Variants in SLC24A5 observed in about 807,000 individuals in gnomAD.
The protein encoded by SLC24A5 is sodium/potassium/calcium exchanger 5.
Under a neutral mutation model 51.6 loss-of-function variants are expected in SLC24A5, and 46 were observed. The ratio of observed to expected loss-of-function variants is 0.89; its 90% CI spans 0.70 to 1.14. The LOEUF is 1.14. Ranked by LOEUF, SLC24A5 falls within the 50% of genes most tolerant of loss-of-function variation. SLC24A5 has a pLI of 0.00. For synonymous variants in SLC24A5, 230 were observed against 214.9 expected, an observed-to-expected ratio of 1.07 and a Z score of -0.62; for missense variants, 581 against 604.1, an observed-to-expected ratio of 0.96 and a Z score of 0.40.
chr15:48,139,928 T>A (rs1249628593), intron 7 of SLC24A5: 2 of 152,096 alleles, frequency 1.3e-5, no homozygotes, highest in African/African-American at 4.8e-5. Flanking sequence ...TCACACTACA[T>A]TGGCAAAGCT....
rs762176351 is a variant in SLC24A5 at position 48,121,963 on chromosome 15, C to T, written c.228C>T (p.Ile76=). 5.6e-6 allele frequency: 9 copies of T among 1,613,986 alleles called. No individual in the cohort carries two copies. The highest frequency in any genetic ancestry group is 7.6e-6 in the Non-Finnish European group (9 of 1,179,968). ...DGGIIIYFLI[I]VYMFMAISIV... is the part of the protein sequence containing the mutation. ...GCATCATAATCTATTTCCTAATTAT[C>T]GTTTACATGTTCATGGCCATATCTA... Residue 76 remains isoleucine, a synonymous_variant, in exon 2 of 9, where the codon ATC becomes ATT. Transcript: ENST00000341459.
At chr15:48,121,792 C>A in intron 1 of SLC24A5, 65 bp from the exon 2 acceptor site, 1 of 1,504,678 alleles carries the variant, frequency 6.6e-7, no homozygotes, top group South Asian at 1.2e-5. Flanking sequence ...CTTAAGGAAG[C>A]TCTCTGTGGG....
At chr15:48,140,329 T>G (rs928901596) in intron 7 of SLC24A5, 1 of 151,796 alleles carries the variant, frequency 6.6e-6, no homozygotes, top group African/African-American at 2.4e-5. Context: ...TGTATAAGCA[T>G]GCAATAAATA....
intron 1 of SLC24A5, 46 bp downstream of exon 1, chr15:48,121,211 C>CAG: frequency 6.4e-7 from 1 of 1,554,860 alleles, no homozygotes; most frequent in South Asian, 1.2e-5. Context: ...GCAGCTGCTG[C>CAG]TGCTGCTACC....
chr15:48,121,014 AGCTGCAC>A lies in SLC24A5; in HGVS notation c.-24_-18del, dbSNP rs1187369849. On this transcript the variant is annotated 5_prime_UTR_variant, in exon 1 of 9. Coordinates refer to ENST00000341459, the MANE Select transcript of SLC24A5 (RefSeq NM_205850.3). ...TAATCCTCCTCTTCTCCCTTCCTGA[AGCTGCAC>A]GCTGCAGTAAGAGCACAGCAGAAAT... 6 of 1,607,342 alleles carry A rather than the reference AGCTGCAC, an allele frequency of 3.7e-6. No individual in the cohort carries two copies. In the Admixed American group the frequency reaches 6.7e-5, roughly 18 times the overall value.
At chr15:48,122,501 C>T in intron 2 of SLC24A5, 1 of 183,184 alleles carries the variant, frequency 5.5e-6, no homozygotes, top group Non-Finnish European at 1.1e-5. Flanking sequence ...TCTTCCTTTC[C>T]CAGCATCCTA....
chr15:48,132,438 G>A (rs2038799696), intron 2 of SLC24A5, among the ~76,000 whole-genome samples: 1 of 151,988 alleles, frequency 6.6e-6, no homozygotes, highest in Admixed American at 6.6e-5. Flanking sequence ...GTGAGAGCAG[G>A]AATATTTGTC....
chr15:48,142,373 G>T lies in SLC24A5; in HGVS notation c.*22G>T, dbSNP rs759941120. On this transcript the variant is annotated 3_prime_UTR_variant, in exon 9 of 9. Coordinates refer to ENST00000341459, the MANE Select transcript of SLC24A5 (RefSeq NM_205850.3). ...TTGATATTATTAATAGTGTTATGCAGAAAATATGAATGGCAGGGAGGGGCA... is the reference window on the plus strand; with the variant it reads ...TTGATATTATTAATAGTGTTATGCATAAAATATGAATGGCAGGGAGGGGCA... The T allele has an allele frequency of 2.1e-6, 3 of 1,444,858 alleles. No individual in the cohort carries two copies. Among genetic ancestry groups the T allele is most frequent in the South Asian group, 1.4e-5 (1 of 69,018 alleles). 89.5% of individuals were successfully genotyped at this position (1,444,858 alleles called of 1,614,324 possible). A position where few individuals can be genotyped will look rare whatever the true frequency, so the allele number is the denominator to read the frequency against.
In SLC24A5 at chr15:48,142,453, G is replaced by A. The variant is rs1049097667; in HGVS notation, c.*102G>A. 4 of 936,556 alleles carry A rather than the reference G, an allele frequency of 4.3e-6. No homozygotes were observed. The highest frequency in any genetic ancestry group is 6.0e-6 in the Non-Finnish European group (4 of 667,238). 58.0% of individuals were successfully genotyped at this position (936,556 alleles called of 1,614,324 possible). On this transcript the variant is annotated 3_prime_UTR_variant, in exon 9 of 9. Coordinates refer to ENST00000341459, the MANE Select transcript of SLC24A5 (RefSeq NM_205850.3). ...CAAATTTTAAAAATCTTGAACCTTA[G>A]AATCTAAAACTTACAGTAATTTAAA... is the stretch of plus-strand genomic sequence containing the variant.
intron 6 of SLC24A5, chr15:48,138,192 AGTT>A (rs1462146568): frequency 1.3e-5 from 2 of 152,040 alleles, no homozygotes; most frequent in African/African-American, 4.8e-5. Flanking sequence ...ACTTTTTATG[AGTT>A]GTTGTACTAA....
At chr15:48,134,799 A>G in intron 4 of SLC24A5, 85 bp from the exon 5 acceptor site, 1 of 1,076,566 alleles carries the variant, frequency 9.3e-7, no homozygotes, top group Non-Finnish European at 1.4e-6. Flanking sequence ...TTAACTACAA[A>G]TATATAAACA....
chr15:48,122,144 A>T (rs573974570), intron 2 of SLC24A5, 108 bp downstream of exon 2: 1 of 1,168,084 alleles, frequency 8.6e-7, no homozygotes, highest in Admixed American at 1.7e-5. Flanking sequence ...AACTGGTTGC[A>T]GAGCACCAGC....
At position 48,136,890 on chromosome 15, in the gene SLC24A5, T is replaced by C; in HGVS notation, c.798T>C (p.Ser266=). ...TTCGTCGGCAATCAAGAACTGATAG[T>C]GGAATATTTTATGAAGATTCTGGCT... The part of the protein sequence containing the change: ...PFIRRQSRTD[S]GIFYEDSGYS... The change falls in exon 6 of 9, where the codon AGT becomes AGC. Residue 266 remains serine (S), a synonymous_variant. Transcript: ENST00000341459. The C allele has an allele frequency of 6.2e-7, 1 of 1,613,824 alleles. No homozygotes were observed.
intron 7 of SLC24A5, chr15:48,140,540 T>G (rs1177365458): frequency 6.6e-6 from 1 of 152,184 alleles, no homozygotes; most frequent in Non-Finnish European, 1.5e-5. Flanking sequence ...GAAGTATTAA[T>G]AAATTGGGAC....
chr15:48,131,017 T>C (rs967719008), intron 2 of SLC24A5, among the ~76,000 whole-genome samples: 1 of 152,190 alleles, frequency 6.6e-6, no homozygotes, highest in Non-Finnish European at 1.5e-5. Context: ...TGGGCCTGTT[T>C]ATCTGTAAAA....
chr15:48,124,721 C>T (rs891764887), intron 2 of SLC24A5: 24 of 152,268 alleles, frequency 1.6e-4, no homozygotes, highest in African/African-American at 5.5e-4. Flanking sequence ...TGACTTCCAA[C>T]GTGCACCTTG....
intron 2 of SLC24A5, among the ~76,000 whole-genome samples, chr15:48,126,971 G>A (rs943601866): frequency 6.6e-6 from 1 of 152,142 alleles, no homozygotes; most frequent in African/African-American, 2.4e-5. Context: ...CCGGACAGCT[G>A]GAGGGGAAGG....
At chr15:48,124,653 T>C (rs2038712766) in intron 2 of SLC24A5, 1 of 152,184 alleles carries the variant, frequency 6.6e-6, no homozygotes, top group Non-Finnish European at 1.5e-5. Context: ...CACTACTGCA[T>C]TAAAATTTAG....
intron 4 of SLC24A5, 139 bp downstream of exon 4, chr15:48,134,677 C>T: frequency 1.4e-6 from 1 of 725,390 alleles, no homozygotes; most frequent in Non-Finnish European, 2.3e-6. Context: ...AACATGTATT[C>T]AATTTAATGT....
Sources: gnomAD v4.1 joint callset for allele counts (sites outside exome capture counted in the v4.1 genomes callset) on GRCh38, gnomAD v4.1.1 for gene constraint, MANE v1.5 for transcripts, NCBI Gene and HGNC (gene_info 2026-07-23, HGNC 2026-07-21) for gene names.